NBAS: variants seen among roughly 807,000 people sequenced by gnomAD.
NBAS encodes NBAS subunit of NRZ tethering complex.
NBAS carries 219 observed loss-of-function variants against 302.5 expected under a neutral mutation model. The observed-to-expected ratio is 0.72, with a 90% CI of 0.65 to 0.81. The LOEUF (loss-of-function observed/expected upper bound fraction) is 0.81. NBAS is among the 30% of genes least tolerant of loss of function. NBAS has a pLI of 0.00. For synonymous variants in NBAS, 1,118 were observed against 1,021.6 expected (o/e 1.09, Z -1.80); for missense variants, 2,932 against 2,841.6 (o/e 1.03, Z -0.72).
the NBAS span, among the ~76,000 whole-genome samples, chr2:14,864,766 G>C: frequency 6.6e-6 from 1 of 152,186 alleles, no homozygotes; most frequent in African/African-American, 2.4e-5. Context: ...CTCAGTTAAA[G>C]CATCTGTACA....
the NBAS span, among the ~76,000 whole-genome samples, chr2:14,873,031 G>T: frequency 7.9e-5 from 12 of 152,218 alleles, no homozygotes; most frequent in African/African-American, 2.7e-4. Context: ...TTCCACGTGC[G>T]GAAGGGGACT....
chr2:15,425,432 C>A (rs988644888), intron 22 of NBAS, among the ~76,000 whole-genome samples: 1 of 152,138 alleles, frequency 6.6e-6, no homozygotes, highest in African/African-American at 2.4e-5. Flanking sequence ...GGGGAAAACA[C>A]TATACAAGAA....
Position 15,379,675 on chromosome 2 carries a change from A to G in NBAS, c.3517T>C (p.Leu1173=), listed in dbSNP as rs1450471330. Residue 1173 remains leucine (L), a synonymous_variant, in exon 30 of 52, where the codon TTG becomes CTG. Transcript: ENST00000281513. ...YRVSYEKSID[L]VLAASREYFN... ...TACTCTCTGCTGGCAGCCAAAACCAAGTCAATACTCTTTTCGTAGCTGACC... is the reference window on the plus strand; with the variant it reads ...TACTCTCTGCTGGCAGCCAAAACCAGGTCAATACTCTTTTCGTAGCTGACC... 7 of 1,613,896 alleles carry G rather than the reference A, an allele frequency of 4.3e-6. No homozygotes were observed. Among genetic ancestry groups the G allele is most frequent in the Non-Finnish European group, 5.9e-6 (7 of 1,180,004 alleles).
chr2:15,168,918 G>A (rs370174726), intron 51 of NBAS, among the ~76,000 whole-genome samples: 13 of 152,300 alleles, frequency 8.5e-5, no homozygotes, highest in East Asian at 7.7e-4. Flanking sequence ...CGTGGCCACC[G>A]TGCCCGGCCT....
chr2:15,170,344 G>A (rs1287619380), intron 51 of NBAS, among the ~76,000 whole-genome samples: 10 of 152,240 alleles, frequency 6.6e-5, no homozygotes, highest in African/African-American at 2.4e-4. Flanking sequence ...GGGTGGGGAA[G>A]GGCAGGGTAG....
chr2:15,522,877 C>T (rs181781804), intron 9 of NBAS, among the ~76,000 whole-genome samples: 118 of 152,242 alleles, frequency 7.8e-4, no homozygotes, highest in African/African-American at 2.7e-3. Flanking sequence ...TTATTACATA[C>T]TATATTCTTA....
At chr2:15,011,724 A>T in the NBAS span, among the ~76,000 whole-genome samples, 1 of 152,174 alleles carries the variant, frequency 6.6e-6, no homozygotes, top group African/African-American at 2.4e-5. Flanking sequence ...AAACACCAAG[A>T]AAGCCCAACC....
At chr2:15,007,961 A>T in the NBAS span, among the ~76,000 whole-genome samples, 1 of 152,244 alleles carries the variant, frequency 6.6e-6, no homozygotes, top group African/African-American at 2.4e-5. Flanking sequence ...TTACAAAATA[A>T]TGTTTTGAAA....
chr2:15,497,906 T>C (rs1283004122), intron 11 of NBAS, among the ~76,000 whole-genome samples: 1 of 152,204 alleles, frequency 6.6e-6, no homozygotes, highest in Non-Finnish European at 1.5e-5. Context: ...TTTACTATAG[T>C]ATACTCCCAT....
At chr2:14,827,732 G>A in the NBAS span, among the ~76,000 whole-genome samples, 1 of 152,112 alleles carries the variant, frequency 6.6e-6, no homozygotes, top group Non-Finnish European at 1.5e-5. Context: ...CCACTTATAC[G>A]ATGTATATGA....
chr2:15,429,492 A>C (rs1677654866), intron 21 of NBAS, among the ~76,000 whole-genome samples: 1 of 152,182 alleles, frequency 6.6e-6, no homozygotes, highest in South Asian at 2.1e-4. Context: ...TATGTTGGTG[A>C]AGAGATTGGT....
chr2:14,782,542 G>T, the NBAS span, among the ~76,000 whole-genome samples: 3 of 152,160 alleles, frequency 2.0e-5, no homozygotes, highest in Non-Finnish European at 4.4e-5. Flanking sequence ...GTGGAAAGCA[G>T]TGTGGTGATT....
chr2:15,196,875 C>G (rs189330102), intron 48 of NBAS, among the ~76,000 whole-genome samples: 2 of 152,280 alleles, frequency 1.3e-5, no homozygotes, highest in African/African-American at 4.8e-5. Flanking sequence ...AGGAAATTGG[C>G]ATGCCTGTTT....
At chr2:15,340,684 T>C (rs1471324398) in intron 35 of NBAS, among the ~76,000 whole-genome samples, 1 of 152,178 alleles carries the variant, frequency 6.6e-6, no homozygotes, top group Non-Finnish European at 1.5e-5. Flanking sequence ...ACAGAGATGA[T>C]GTTTAAAGAC....
At chr2:15,485,954 C>G (rs1159410338) in intron 12 of NBAS, among the ~76,000 whole-genome samples, 2 of 152,156 alleles carry the variant, frequency 1.3e-5, no homozygotes, top group Non-Finnish European at 1.5e-5. Flanking sequence ...ATGTTCCCTA[C>G]TTGGGACCAA....
At chr2:15,154,555 A>G in the NBAS span, among the ~76,000 whole-genome samples, 4 of 152,202 alleles carry the variant, frequency 2.6e-5, no homozygotes, top group Admixed American at 2.6e-4. Flanking sequence ...TACCTTCTAC[A>G]TTCTTGCATG....
chr2:14,847,446 T>C, the NBAS span, among the ~76,000 whole-genome samples: 16 of 136,486 alleles, frequency 1.2e-4, no homozygotes, highest in Middle Eastern at 4.1e-3. Context: ...AAAATGATAT[T>C]CCATACCAAT....
chr2:15,047,878 C>T, the NBAS span, among the ~76,000 whole-genome samples: 1 of 152,240 alleles, frequency 6.6e-6, no homozygotes, highest in Non-Finnish European at 1.5e-5. Context: ...GCCTTGGGTT[C>T]CTCAACTGTA....
chr2:15,558,911 A>C (rs563738618), intron 1 of NBAS, among the ~76,000 whole-genome samples: 102 of 152,048 alleles, frequency 6.7e-4, no homozygotes, highest in African/African-American at 2.3e-3. Flanking sequence ...TCTACAAAAA[A>C]TACAAAAATT....
Sources: allele counts gnomAD v4.1 joint callset (sites outside exome capture counted in the v4.1 genomes callset), GRCh38; gene constraint gnomAD v4.1.1; transcripts MANE v1.5; gene names NCBI Gene and HGNC (gene_info 2026-07-23, HGNC 2026-07-21).